TEX14: variants seen among roughly 807,000 people sequenced by gnomAD.
The protein encoded by TEX14 is testis expressed 14, intercellular bridge forming factor.
A neutral mutation model predicts 178.6 loss-of-function variants in TEX14; 168 were observed. That is an observed-to-expected ratio of 0.94 (90% CI 0.83 to 1.07). TEX14 has a LOEUF of 1.07. Among genes scored for constraint, TEX14 ranks in the 50% least tolerant of loss-of-function variants. The pLI is 0.00. For synonymous variants in TEX14, 626 were observed against 634.1 expected, an observed-to-expected ratio of 0.99 and a Z score of 0.19; for missense variants, 1,730 against 1,753.6, an observed-to-expected ratio of 0.99 and a Z score of 0.24.
At chr17:58,630,721 T>C (rs1277857210) in intron 2 of TEX14, among the ~76,000 whole-genome samples, 167 bp from the exon 3 acceptor site, 2 of 152,182 alleles carry the variant, frequency 1.3e-5, no homozygotes, top group African/African-American at 2.4e-5. Flanking sequence ...CACATAGATA[T>C]ACTGGAAGGC....
At chr17:58,575,049 A>G (rs1033547351) in intron 21 of TEX14, among the ~76,000 whole-genome samples, 7 of 152,020 alleles carry the variant, frequency 4.6e-5, no homozygotes, top group Non-Finnish European at 1.5e-5. Context: ...TTAAGATTCA[A>G]TGTCAGTACT....
At chr17:58,617,971 T>C (rs976122663) in intron 5 of TEX14, among the ~76,000 whole-genome samples, 1 of 152,210 alleles carries the variant, frequency 6.6e-6, no homozygotes, top group African/African-American at 2.4e-5. Context: ...GCTGCCATGA[T>C]ATGAGGACAT....
intron 15 of TEX14, among the ~76,000 whole-genome samples, chr17:58,589,143 A>G (rs2045057340): frequency 6.6e-6 from 1 of 151,934 alleles, no homozygotes; most frequent in Admixed American, 6.6e-5. Context: ...CATGCCTGTA[A>G]TACCAACTAC....
At chr17:58,652,045 A>T in intron 1 of TEX14, 43 bp from the exon 2 acceptor site, 2 of 1,441,840 alleles carry the variant, frequency 1.4e-6, no homozygotes, top group Non-Finnish European at 1.8e-6. Context: ...ACTGAACCAG[A>T]AATGCAAGGA....
intron 1 of TEX14, among the ~76,000 whole-genome samples, chr17:58,678,153 G>A (rs969953944): frequency 6.6e-6 from 1 of 151,762 alleles, no homozygotes; most frequent in Admixed American, 6.6e-5. Flanking sequence ...CCAACTCAAG[G>A]GGGAAAAAAA....
intron 11 of TEX14, among the ~76,000 whole-genome samples, chr17:58,603,554 TA>T (rs71143256): frequency 0.031 from 2,242 of 71,710 alleles, 29 homozygotes; most frequent in Non-Finnish European, 0.042. Context: ...GACTCCATCT[TA>T]AAAAAAAAAA....
chr17:58,574,333 T>A, intron 21 of TEX14, 84 bp from the exon 22 acceptor site: 1 of 1,057,270 alleles, frequency 9.5e-7, no homozygotes, highest in East Asian at 2.4e-5. Flanking sequence ...AACCAGTTGA[T>A]CAGCCCAGTG....
intron 1 of TEX14, among the ~76,000 whole-genome samples, chr17:58,667,293 C>T (rs976631274): frequency 6.6e-6 from 1 of 152,176 alleles, no homozygotes; most frequent in Non-Finnish European, 1.5e-5. Flanking sequence ...CAATGCAAGA[C>T]TTTCGATGAG....
intron 19 of TEX14, among the ~76,000 whole-genome samples, chr17:58,580,548 G>A (rs757557628): frequency 7.2e-5 from 11 of 152,016 alleles, no homozygotes; most frequent in Admixed American, 2.0e-4. Context: ...CTGACCTCAC[G>A]ATCCACCCAC....
At chr17:58,655,551 C>T (rs940966256) in intron 1 of TEX14, among the ~76,000 whole-genome samples, 1 of 152,054 alleles carries the variant, frequency 6.6e-6, no homozygotes, top group Non-Finnish European at 1.5e-5. Flanking sequence ...AACTCCTGAC[C>T]TCAGGTGATC....
intron 1 of TEX14, among the ~76,000 whole-genome samples, chr17:58,670,781 A>C (rs1296316305): frequency 5.3e-5 from 8 of 150,278 alleles, no homozygotes; most frequent in South Asian, 2.1e-4. Context: ...TTAAAAAAAA[A>C]AAAAAAAAAA....
At chr17:58,641,374 A>C (rs554884688) in intron 2 of TEX14, among the ~76,000 whole-genome samples, 7 of 152,044 alleles carry the variant, frequency 4.6e-5, no homozygotes, top group African/African-American at 1.4e-4. Flanking sequence ...TGGCCACTGC[A>C]CTCCAGCCTG....
chr17:58,571,572 T>C (rs573710311), intron 24 of TEX14, among the ~76,000 whole-genome samples: 1 of 150,348 alleles, frequency 6.7e-6, no homozygotes, highest in South Asian at 2.1e-4. Flanking sequence ...GGTACACATA[T>C]GAGAAAGGGA....
chr17:58,668,876 A>G (rs796688384), intron 1 of TEX14, among the ~76,000 whole-genome samples: 6 of 152,194 alleles, frequency 3.9e-5, no homozygotes, highest in African/African-American at 1.4e-4. Flanking sequence ...ATTACATCAC[A>G]CAGTTTGAGA....
At chr17:58,662,817 C>T (rs1268754291) in intron 1 of TEX14, among the ~76,000 whole-genome samples, 2 of 152,158 alleles carry the variant, frequency 1.3e-5, no homozygotes, top group Non-Finnish European at 2.9e-5. Flanking sequence ...GCAGTTGTGA[C>T]TGTTAAAATG....
intron 5 of TEX14, among the ~76,000 whole-genome samples, chr17:58,619,639 T>A (rs1270724436): frequency 1.3e-5 from 2 of 151,958 alleles, no homozygotes; most frequent in African/African-American, 4.8e-5. Flanking sequence ...ACCCCATCTC[T>A]ACTAAAAATA....
chr17:58,635,747 T>C (rs904639591), intron 2 of TEX14, among the ~76,000 whole-genome samples: 1 of 151,428 alleles, frequency 6.6e-6, no homozygotes, highest in African/African-American at 2.4e-5. Flanking sequence ...GGCTTCTCTT[T>C]TTTTTTGAGA....
chr17:58,612,324 C>T (rs868859034), intron 9 of TEX14, among the ~76,000 whole-genome samples: 2 of 152,232 alleles, frequency 1.3e-5, no homozygotes, highest in South Asian at 2.1e-4. Context: ...TGCAGTGGCT[C>T]GTACCTATAA....
At chr17:58,624,244 G>A (rs2046079508) in intron 3 of TEX14, among the ~76,000 whole-genome samples, 1 of 151,946 alleles carries the variant, frequency 6.6e-6, no homozygotes, top group African/African-American at 2.4e-5. Flanking sequence ...AGTGAGCCGA[G>A]ATCATGCCAC....
Sources: gnomAD v4.1 joint callset for allele counts (sites outside exome capture counted in the v4.1 genomes callset) on GRCh38, gnomAD v4.1.1 for gene constraint, MANE v1.5 for transcripts, NCBI Gene and HGNC (gene_info 2026-07-23, HGNC 2026-07-21) for gene names.